Variants in DIAPH3 observed in about 807,000 individuals in gnomAD.
DIAPH3 encodes protein diaphanous homolog 3.
A neutral mutation model predicts 144.3 loss-of-function variants in DIAPH3; 117 were observed. That is an observed-to-expected ratio of 0.81 (90% confidence interval 0.70 to 0.95). The LOEUF is 0.95. Ranked by LOEUF, DIAPH3 falls within the 40% of genes least tolerant of loss-of-function variation. The probability of loss-of-function intolerance (pLI) is 0.00; values close to 1 mark genes in which losing one functional copy is unlikely to be tolerated. For missense variants in DIAPH3, 1,421 were observed against 1,412.7 expected (o/e 1.01, Z -0.09); for synonymous variants, 519 against 488.9 (o/e 1.06, Z -0.81).
chr13:60,148,481 C>T (rs1416076364), intron 1 of DIAPH3, among the ~76,000 whole-genome samples: 1 of 152,166 alleles, frequency 6.6e-6, no homozygotes, highest in African/African-American at 2.4e-5. Flanking sequence ...TGGCAGGACA[C>T]AACATTTCCA....
chr13:60,019,164 T>C (rs2053847072), intron 5 of DIAPH3, among the ~76,000 whole-genome samples: 1 of 152,272 alleles, frequency 6.6e-6, no homozygotes, highest in Non-Finnish European at 1.5e-5. Flanking sequence ...TTGAGATCCA[T>C]AGCTTTCTAC....
intron 4 of DIAPH3, among the ~76,000 whole-genome samples, chr13:60,086,921 A>G (rs915867200): frequency 6.6e-6 from 1 of 152,132 alleles, no homozygotes; most frequent in African/African-American, 2.4e-5. Flanking sequence ...CTTGGTATCC[A>G]TGGGAGATTG....
At chr13:59,836,376 G>A (rs1033965474) in intron 23 of DIAPH3, among the ~76,000 whole-genome samples, 9 of 151,552 alleles carry the variant, frequency 5.9e-5, no homozygotes, top group African/African-American at 2.2e-4. Flanking sequence ...CATTGAATTT[G>A]GTTTCACATT....
intron 4 of DIAPH3, among the ~76,000 whole-genome samples, chr13:60,073,546 T>C (rs1031503157): frequency 4.6e-5 from 7 of 152,208 alleles, no homozygotes; most frequent in Admixed American, 4.6e-4. Context: ...TATAAAATCA[T>C]ACTTTTCATA....
chr13:60,059,056 CTGT>C (rs2056665990), intron 4 of DIAPH3, among the ~76,000 whole-genome samples: 1 of 151,284 alleles, frequency 6.6e-6, no homozygotes, highest in Admixed American at 6.6e-5. Flanking sequence ...AGATTAAAAA[CTGT>C]TAATATGTAT....
At chr13:60,151,657 T>C (rs995630904) in intron 1 of DIAPH3, among the ~76,000 whole-genome samples, 4 of 152,210 alleles carry the variant, frequency 2.6e-5, no homozygotes, top group African/African-American at 7.2e-5. Flanking sequence ...CACAAGTCTA[T>C]ACCAGGCACC....
At chr13:59,954,494 A>C (rs374983463) in intron 17 of DIAPH3, among the ~76,000 whole-genome samples, 8 of 152,194 alleles carry the variant, frequency 5.3e-5, no homozygotes, top group South Asian at 2.1e-4. Flanking sequence ...AACCGTCTTA[A>C]TAACGGATAC....
Position 60,042,828 on chromosome 13 carries a change from A to G in DIAPH3, c.496-8T>C. 1.9e-6 allele frequency: 3 copies of G among 1,612,744 alleles called. No homozygotes were observed. Among genetic ancestry groups the G allele is most frequent in the Non-Finnish European group, 2.5e-6 (3 of 1,179,126 alleles). ...GCTTCTCTTAAGACTTCCCTATAAA[A>G]TAAGTCAAAAAATGTTTTGATTAAT... is the stretch of plus-strand genomic sequence containing the variant. On this transcript the variant is annotated splice_region_variant and splice_polypyrimidine_tract_variant and intron_variant, in intron 4 of 27. Coordinates refer to ENST00000400324, the MANE Select transcript of DIAPH3 (RefSeq NM_001042517.2).
intron 4 of DIAPH3, among the ~76,000 whole-genome samples, chr13:60,083,078 A>G (rs1224365420): frequency 2.0e-5 from 3 of 152,028 alleles, no homozygotes; most frequent in Admixed American, 6.6e-5. Flanking sequence ...GAGTCAACTG[A>G]TACCAGGTCT....
chr13:60,114,024 A>C (rs2058637954), intron 2 of DIAPH3, among the ~76,000 whole-genome samples: 1 of 152,238 alleles, frequency 6.6e-6, no homozygotes, highest in South Asian at 2.1e-4. Flanking sequence ...ACTAGGCAAA[A>C]GACTGGAGAG....
intron 4 of DIAPH3, among the ~76,000 whole-genome samples, chr13:60,063,194 T>A (rs1450619564): frequency 1.3e-5 from 2 of 152,230 alleles, no homozygotes; most frequent in Admixed American, 1.3e-4. Context: ...TCACCAGAAG[T>A]AGTTTCCGTT....
At chr13:59,688,638 T>C (rs1012733820) in intron 27 of DIAPH3, among the ~76,000 whole-genome samples, 3 of 152,014 alleles carry the variant, frequency 2.0e-5, no homozygotes, top group African/African-American at 7.2e-5. Context: ...ATTGTGCACA[T>C]AATAAATACA....
chr13:60,028,827 G>A (rs185700331), intron 5 of DIAPH3, among the ~76,000 whole-genome samples: 7 of 152,182 alleles, frequency 4.6e-5, no homozygotes, highest in Admixed American at 2.6e-4. Flanking sequence ...TTGGGAGGCC[G>A]AGGTGGGCGG....
intron 25 of DIAPH3, among the ~76,000 whole-genome samples, chr13:59,775,607 A>T (rs1378219324): frequency 6.6e-6 from 1 of 152,186 alleles, no homozygotes; most frequent in Non-Finnish European, 1.5e-5. Flanking sequence ...TTATATTTCC[A>T]TGCTAACTTT....
intron 1 of DIAPH3, among the ~76,000 whole-genome samples, chr13:60,142,923 CT>C (rs139731595): frequency 7.0e-4 from 98 of 140,284 alleles, no homozygotes; most frequent in African/African-American, 1.3e-3. Context: ...TTTTTTTTTT[CT>C]TTTTTTTTTT....
chr13:60,084,283 T>C (rs2057677870), intron 4 of DIAPH3, among the ~76,000 whole-genome samples: 1 of 152,046 alleles, frequency 6.6e-6, no homozygotes, highest in African/African-American at 2.4e-5. Flanking sequence ...TTATGATAAT[T>C]CATTAAGCTA....
intron 17 of DIAPH3, among the ~76,000 whole-genome samples, chr13:59,952,805 C>T (rs944559629): frequency 1.3e-5 from 2 of 152,112 alleles, no homozygotes; most frequent in Admixed American, 6.6e-5. Context: ...CTTGAGGAGG[C>T]TGAAATTATT....
At chr13:59,974,187 A>G (rs1044972154) in intron 15 of DIAPH3, among the ~76,000 whole-genome samples, 165 bp downstream of exon 15, 4 of 152,180 alleles carry the variant, frequency 2.6e-5, no homozygotes, top group African/African-American at 9.6e-5. Flanking sequence ...ATACATACAT[A>G]TAGAAAAAAA....
chr13:60,042,160 TAA>T (rs754996559), intron 5 of DIAPH3, among the ~76,000 whole-genome samples: 2 of 152,142 alleles, frequency 1.3e-5, no homozygotes, highest in Non-Finnish European at 2.9e-5. Context: ...TGTTTTCAGA[TAA>T]AATACAGGAT....
Sources: allele counts gnomAD v4.1 joint callset (sites outside exome capture counted in the v4.1 genomes callset), GRCh38; gene constraint gnomAD v4.1.1; transcripts MANE v1.5; gene names NCBI Gene and HGNC (gene_info 2026-07-23, HGNC 2026-07-21).